Variants in ADGRV1 observed in about 807,000 individuals in gnomAD.
ADGRV1 encodes adhesion G protein-coupled receptor V1.
Under a neutral mutation model 596.2 loss-of-function variants are expected in ADGRV1, and 359 were observed. The ratio of observed to expected loss-of-function variants is 0.60; its 90% CI spans 0.55 to 0.66. ADGRV1 has a LOEUF of 0.66. ADGRV1 is among the 30% of genes least tolerant of loss of function. The pLI is 0.00. For missense variants in ADGRV1, 7,274 were observed against 7,575.6 expected, an observed-to-expected ratio of 0.96 and a Z score of 1.48; for synonymous variants, 2,681 against 2,679.2, an observed-to-expected ratio of 1.00 and a Z score of -0.02.
intron 89 of ADGRV1, among the ~76,000 whole-genome samples, chr5:91,158,107 C>T (rs1277981135): frequency 1.3e-5 from 2 of 152,204 alleles, no homozygotes; most frequent in Non-Finnish European, 2.9e-5. Context: ...TTTCCTTATT[C>T]TCAAATAACA....
intron 83 of ADGRV1, among the ~76,000 whole-genome samples, chr5:90,878,081 C>T (rs1017201121): frequency 2.6e-5 from 4 of 152,144 alleles, no homozygotes; most frequent in Non-Finnish European, 5.9e-5. Flanking sequence ...TAAGATTCAG[C>T]GTGTGTAACT....
chr5:91,006,982 CCACA>C (rs1782334902), intron 85 of ADGRV1, among the ~76,000 whole-genome samples: 1 of 152,146 alleles, frequency 6.6e-6, no homozygotes, highest in Admixed American at 6.5e-5. Context: ...TGAATATTTC[CCACA>C]CACTCCAGCA....
intron 85 of ADGRV1, among the ~76,000 whole-genome samples, chr5:91,034,180 T>A (rs988176018): frequency 1.3e-5 from 2 of 152,136 alleles, no homozygotes; most frequent in South Asian, 4.1e-4. Context: ...AGACCAAATC[T>A]AGTATAGGCG....
chr5:90,937,325 T>A (rs1358225467), intron 83 of ADGRV1, among the ~76,000 whole-genome samples: 1 of 152,194 alleles, frequency 6.6e-6, no homozygotes, highest in Non-Finnish European at 1.5e-5. Flanking sequence ...ACATCATAAT[T>A]TTAAGCCTTA....
chr5:90,692,837 G>A, intron 32 of ADGRV1, 51 bp downstream of exon 32: 1 of 1,389,862 alleles, frequency 7.2e-7, no homozygotes. Context: ...ATTGTGGGGT[G>A]GTGGGGAAGG....
intron 45 of ADGRV1, among the ~76,000 whole-genome samples, chr5:90,722,425 G>T (rs1751172250): frequency 6.6e-6 from 1 of 151,928 alleles, no homozygotes; most frequent in Admixed American, 6.6e-5. Context: ...GAAGGTCTCT[G>T]CTGGGCCGGG....
intron 1 of ADGRV1, among the ~76,000 whole-genome samples, chr5:90,600,159 T>TA (rs1307279782): frequency 6.6e-6 from 1 of 152,152 alleles, no homozygotes; most frequent in African/African-American, 2.4e-5. Context: ...CACATATATA[T>TA]TTTTTATTAT....
At chr5:90,826,602 A>G (rs935339179) in intron 76 of ADGRV1, among the ~76,000 whole-genome samples, 4 of 152,206 alleles carry the variant, frequency 2.6e-5, no homozygotes, top group African/African-American at 9.7e-5. Context: ...TTGGCCCTTC[A>G]TAAGAGATGG....
chr5:90,935,582 A>G (rs1775611097), intron 83 of ADGRV1, among the ~76,000 whole-genome samples: 1 of 152,224 alleles, frequency 6.6e-6, no homozygotes, highest in Non-Finnish European at 1.5e-5. Context: ...AAAAACCTGT[A>G]AAAAATGTGG....
intron 13 of ADGRV1, among the ~76,000 whole-genome samples, chr5:90,643,325 G>T (rs936603560): frequency 1.3e-5 from 2 of 151,902 alleles, no homozygotes; most frequent in Non-Finnish European, 2.9e-5. Flanking sequence ...TCATGTTAAG[G>T]CTTCCTTTAG....
intron 21 of ADGRV1, among the ~76,000 whole-genome samples, chr5:90,668,210 T>C (rs1004498504): frequency 6.6e-6 from 1 of 151,920 alleles, no homozygotes; most frequent in African/African-American, 2.4e-5. Flanking sequence ...TCCCCCAGCC[T>C]CGCTGCCGCC....
chr5:90,706,822 T>A (rs1351791365), intron 38 of ADGRV1, among the ~76,000 whole-genome samples: 10 of 151,952 alleles, frequency 6.6e-5, no homozygotes. Context: ...CTTCTGCTTG[T>A]TCCCCCTGCT....
chr5:90,916,084 G>T (rs1273382199), intron 83 of ADGRV1, among the ~76,000 whole-genome samples: 1 of 151,916 alleles, frequency 6.6e-6, no homozygotes, highest in African/African-American at 2.4e-5. Flanking sequence ...AGGAAGGAGG[G>T]GATATTTGGA....
chr5:90,846,933 A>G lies in ADGRV1; in HGVS notation c.17020-1704A>G, dbSNP rs1447826644. ...ATTTATAATCCCTGAGCTAGACACAAAAGTTCTCCATGTCCCCACTAGATT... is the reference window on the plus strand; with the variant it reads ...ATTTATAATCCCTGAGCTAGACACAGAAGTTCTCCATGTCCCCACTAGATT... On this transcript the variant is annotated intron_variant, in intron 78 of 89. Coordinates refer to ENST00000405460, the MANE Select transcript of ADGRV1 (RefSeq NM_032119.4). 4.6e-5 allele frequency among the ~76,000 whole-genome samples: 7 copies of G among 152,072 alleles called. No individual in the cohort carries two copies. The South Asian group carries it at 8.3e-4, about 18-fold the overall frequency.
intron 87 of ADGRV1, among the ~76,000 whole-genome samples, chr5:91,111,352 T>C (rs535983752): frequency 1.2e-3 from 180 of 152,332 alleles, no homozygotes; most frequent in South Asian, 7.5e-3. Context: ...GAAGAGATTT[T>C]CCCAAATGAA....
chr5:90,658,713 G>T (rs1769792335), intron 21 of ADGRV1, among the ~76,000 whole-genome samples: 1 of 149,202 alleles, frequency 6.7e-6, no homozygotes, highest in Non-Finnish European at 1.5e-5. Context: ...TACTTGAGTA[G>T]TTAGTTATCA....
chr5:90,642,992 A>C lies in ADGRV1; in HGVS notation c.2504A>C (p.Glu835Ala), dbSNP rs1291661071. ...GGAGTACTAGAATTTAAACCTGGAG[A>C]AAGGGAGATAGTGATCACCTTGCTA... ...NTGVLEFKPG[E>A]REIVITLLAR... Residue 835 changes from glutamate (E) to alanine (A), a missense_variant, in exon 13 of 90, where the codon GAA (glutamate) becomes GCA (alanine). By Grantham distance (107) the Glu-to-Ala change is moderately radical. Around this residue, in one of 5 missense-constraint regions of ADGRV1, gnomAD observed 1,715 missense variants for 1,708.8 expected, o/e 1.00. Coordinates refer to ENST00000405460, the MANE Select transcript of ADGRV1 (RefSeq NM_032119.4). 1 of 1,613,470 alleles carries C rather than the reference A, an allele frequency of 6.2e-7. No individual in the cohort carries two copies. Among genetic ancestry groups the C allele is most frequent in the African/African-American group, 1.3e-5 (1 of 74,892 alleles).
intron 85 of ADGRV1, among the ~76,000 whole-genome samples, chr5:90,988,470 T>G (rs957045188): frequency 6.6e-6 from 1 of 152,190 alleles, no homozygotes; most frequent in Non-Finnish European, 1.5e-5. Flanking sequence ...GTGCTGACTT[T>G]GGTCTACTTT....
At chr5:91,094,974 G>T (rs1790729266) in intron 86 of ADGRV1, among the ~76,000 whole-genome samples, 1 of 152,166 alleles carries the variant, frequency 6.6e-6, no homozygotes, top group South Asian at 2.1e-4. Flanking sequence ...CTAGCCTGCT[G>T]CAACAAATAT....
Sources: allele counts gnomAD v4.1 joint callset (sites outside exome capture counted in the v4.1 genomes callset), GRCh38; gene constraint gnomAD v4.1.1; regional missense constraint gnomAD v4.1.1; transcripts MANE v1.5; gene names NCBI Gene and HGNC (gene_info 2026-07-23, HGNC 2026-07-21).